The following FGF12 variants were observed in gnomAD, a reference collection of about 807,000 sequenced individuals.
FGF12 encodes the protein fibroblast growth factor 12.
A neutral mutation model predicts 23.6 loss-of-function variants in FGF12; 14 were observed. The ratio of observed to expected loss-of-function variants is 0.59; its 90% CI spans 0.39 to 0.93. The LOEUF (loss-of-function observed/expected upper bound fraction) is 0.93, where lower values mean the gene tolerates loss of function less well. FGF12 is among the 40% of genes least tolerant of loss of function. The pLI, the probability that FGF12 is intolerant of heterozygous loss-of-function variation, is 0.00. For missense variants in FGF12, 175 were observed against 217.8 expected (o/e 0.80, Z 1.24); for synonymous variants, 62 against 77.3 (o/e 0.80, Z 1.04).
intron 4 of FGF12, among the ~76,000 whole-genome samples, chr3:192,212,604 G>C (rs748855798): frequency 2.6e-5 from 4 of 152,026 alleles, no homozygotes; most frequent in Admixed American, 6.5e-5. Context: ...TCAAAATGAA[G>C]GTTTCTGCTA....
intron 2 of FGF12, among the ~76,000 whole-genome samples, chr3:192,655,479 G>C (rs1207670760): frequency 6.6e-6 from 1 of 152,152 alleles, no homozygotes; most frequent in Admixed American, 6.6e-5. Context: ...AGAATAGAAG[G>C]ATTGAGAAAA....
chr3:192,424,763 G>GAC (rs530771873), intron 2 of FGF12, among the ~76,000 whole-genome samples: 9 of 151,932 alleles, frequency 5.9e-5, no homozygotes, highest in African/African-American at 2.2e-4. Flanking sequence ...CACACAGAGA[G>GAC]ACACACACAC....
intron 2 of FGF12, among the ~76,000 whole-genome samples, chr3:192,694,058 A>G (rs1386636435): frequency 1.3e-5 from 2 of 152,192 alleles, no homozygotes; most frequent in Non-Finnish European, 2.9e-5. Context: ...CAATAACAAA[A>G]ATCAAATAAC....
chr3:192,433,160 G>A (rs535111807), intron 2 of FGF12, among the ~76,000 whole-genome samples: 28 of 152,210 alleles, frequency 1.8e-4, no homozygotes, highest in African/African-American at 6.5e-4. Context: ...GCACCCCCAG[G>A]GACCCTGGCA....
intron 2 of FGF12, among the ~76,000 whole-genome samples, chr3:192,693,464 C>A (rs1277567867): frequency 6.6e-6 from 1 of 151,948 alleles, no homozygotes; most frequent in Non-Finnish European, 1.5e-5. Flanking sequence ...CCAAAGCAGT[C>A]CTGTAAAAGA....
At chr3:192,401,901 C>T (rs1720775421) in intron 2 of FGF12, among the ~76,000 whole-genome samples, 1 of 152,218 alleles carries the variant, frequency 6.6e-6, no homozygotes, top group African/African-American at 2.4e-5. Context: ...CTGCCTGTTT[C>T]ATCTTTTGGA....
At chr3:192,615,873 C>T (rs1259536068) in intron 2 of FGF12, among the ~76,000 whole-genome samples, 1 of 151,866 alleles carries the variant, frequency 6.6e-6, no homozygotes, top group African/African-American at 2.4e-5. Flanking sequence ...AATAACCATA[C>T]TCATGTATAT....
At chr3:192,350,978 G>A (rs971914740) in intron 3 of FGF12, among the ~76,000 whole-genome samples, 21 of 152,270 alleles carry the variant, frequency 1.4e-4, no homozygotes, top group African/African-American at 5.1e-4. Context: ...TTGGACTAGG[G>A]AGTGGCAATA....
chr3:192,458,264 G>C (rs1467885157), intron 2 of FGF12, among the ~76,000 whole-genome samples: 1 of 152,184 alleles, frequency 6.6e-6, no homozygotes, highest in Non-Finnish European at 1.5e-5. Context: ...AGAGCTGTGA[G>C]AAGAGGGCCA....
intron 2 of FGF12, among the ~76,000 whole-genome samples, chr3:192,470,002 A>G (rs537089467): frequency 6.6e-6 from 1 of 152,348 alleles, no homozygotes; most frequent in Admixed American, 6.5e-5. Flanking sequence ...ATAAAGGGAA[A>G]GAGTATGACA....
At chr3:192,164,380 C>G (rs1018662308) in intron 5 of FGF12, among the ~76,000 whole-genome samples, 4 of 152,278 alleles carry the variant, frequency 2.6e-5, no homozygotes, top group African/African-American at 9.6e-5. Flanking sequence ...GGCCATCTAT[C>G]AGAATAGGTG....
chr3:192,287,182 C>A (rs1403035), intron 4 of FGF12, among the ~76,000 whole-genome samples: 59,535 of 151,820 alleles, frequency 0.39, 12,887 homozygotes, highest in East Asian at 0.9. Context: ...CTAATCACAT[C>A]GACTACCATA....
intron 3 of FGF12, among the ~76,000 whole-genome samples, chr3:192,347,962 C>T (rs1026526927): frequency 2.6e-5 from 4 of 152,146 alleles, no homozygotes; most frequent in African/African-American, 9.7e-5. Flanking sequence ...CCAAGTTTAT[C>T]CAGCTGGCAA....
chr3:192,525,292 A>T (rs1367454660), intron 2 of FGF12, among the ~76,000 whole-genome samples: 1 of 152,204 alleles, frequency 6.6e-6, no homozygotes, highest in Non-Finnish European at 1.5e-5. Context: ...TATTTCAAAA[A>T]AATAATAATA....
chr3:192,298,855 G>C (rs1250663943), intron 4 of FGF12, among the ~76,000 whole-genome samples: 2 of 152,224 alleles, frequency 1.3e-5, no homozygotes, highest in African/African-American at 4.8e-5. Context: ...CATGGTGGAA[G>C]GAGATGTGGG....
At chr3:192,703,896 G>C (rs1479131011) in intron 2 of FGF12, among the ~76,000 whole-genome samples, 4 of 152,188 alleles carry the variant, frequency 2.6e-5, no homozygotes, top group African/African-American at 9.6e-5. Flanking sequence ...GTAGAGACAA[G>C]GTCTCACTGT....
At chr3:192,376,036 T>C (rs1719478316) in intron 2 of FGF12, among the ~76,000 whole-genome samples, 1 of 152,188 alleles carries the variant, frequency 6.6e-6, no homozygotes, top group African/African-American at 2.4e-5. Flanking sequence ...GAAAAGCCCA[T>C]ATGAATTTTG....
chr3:192,687,108 T>C (rs1027411938), intron 2 of FGF12, among the ~76,000 whole-genome samples: 20 of 150,090 alleles, frequency 1.3e-4, no homozygotes, highest in Admixed American at 2.0e-4. Context: ...GGATTACAGG[T>C]GTGAGTCACC....
chr3:192,292,899 C>A (rs961030041), intron 4 of FGF12, among the ~76,000 whole-genome samples: 11 of 152,134 alleles, frequency 7.2e-5, no homozygotes, highest in African/African-American at 2.7e-4. Flanking sequence ...ACTTCAGCCT[C>A]CTGAGTAGCT....
Sources: allele counts gnomAD v4.1 joint callset (sites outside exome capture counted in the v4.1 genomes callset), GRCh38; gene constraint gnomAD v4.1.1; transcripts MANE v1.5; gene names NCBI Gene and HGNC (gene_info 2026-07-23, HGNC 2026-07-21).